The following CNBD1 variants were observed in gnomAD, a reference collection of about 807,000 sequenced individuals.
CNBD1 encodes cyclic nucleotide-binding domain-containing protein 1.
In CNBD1, 71 loss-of-function variants were observed where a neutral mutation model predicts 54.4. The observed-to-expected ratio is 1.30, with a 90% CI of 1.08 to 1.59. The LOEUF (loss-of-function observed/expected upper bound fraction) is 1.59. Among genes scored for constraint, CNBD1 ranks in the 40% most tolerant of loss-of-function variants. The probability of loss-of-function intolerance (pLI) is 0.00; values close to 1 mark genes in which losing one functional copy is unlikely to be tolerated. For synonymous variants in CNBD1, 182 were observed against 170.7 expected (o/e 1.07, Z -0.51); for missense variants, 659 against 518.0 (o/e 1.27, Z -2.64).
chr8:87,055,670 C>A (rs571284284), intron 4 of CNBD1, among the ~76,000 whole-genome samples: 66 of 152,320 alleles, frequency 4.3e-4, no homozygotes, highest in Admixed American at 6.5e-4. Flanking sequence ...GAGGACTAGC[C>A]TTAGTTGTCT....
At chr8:86,981,176 T>C (rs1457030357) in intron 4 of CNBD1, among the ~76,000 whole-genome samples, 1 of 152,382 alleles carries the variant, frequency 6.6e-6, no homozygotes, top group Admixed American at 6.5e-5. Context: ...TGTGTCTGTG[T>C]GCGTGCGCGC....
chr8:87,271,779 T>A (rs1274165774), intron 6 of CNBD1, among the ~76,000 whole-genome samples: 3 of 150,978 alleles, frequency 2.0e-5, no homozygotes, highest in African/African-American at 7.4e-5. Context: ...GAAAATAAAT[T>A]AGTATATCAA....
chr8:87,331,370 A>C (rs1357608283), intron 8 of CNBD1, among the ~76,000 whole-genome samples: 1 of 152,158 alleles, frequency 6.6e-6, no homozygotes, highest in African/African-American at 2.4e-5. Flanking sequence ...GTTTCATCAA[A>C]GTCCCTGCAA....
In CNBD1 at chr8:87,241,268, A is replaced by ATTTTTTTTTTTTTTT. The variant is rs34829455; in HGVS notation, c.771+4165_771+4179dup. Among the ~76,000 whole-genome samples the ATTTTTTTTTTTTTTT allele has an allele frequency of 2.3e-3, 219 of 93,852 alleles. 20 individuals are homozygous for ATTTTTTTTTTTTTTT. Among genetic ancestry groups the ATTTTTTTTTTTTTTT allele is most frequent in the African/African-American group, 9.5e-3 (195 of 20,504 alleles). The allele number at this position is 93,852 out of a possible 152,430, so 61.6% of individuals were successfully genotyped here. A position where few individuals can be genotyped will look rare whatever the true frequency, so the allele number is the denominator to read the frequency against. ...GGGCACAAAAATCTGTATTTGGAAG[A>ATTTTTTTTTTTTTTT]TTTTTTTTTTTTTTTTTTTTTTTGA... On this transcript the variant is annotated intron_variant, in intron 6 of 10. Transcript: ENST00000518476.
At chr8:86,898,042 A>G (rs1586119742) in intron 2 of CNBD1, among the ~76,000 whole-genome samples, 1 of 152,208 alleles carries the variant, frequency 6.6e-6, no homozygotes, top group African/African-American at 2.4e-5. Context: ...GTTAAAAAGA[A>G]TGACATATCT....
chr8:86,916,530 A>G lies in CNBD1; in HGVS notation c.272+11336A>G, dbSNP rs1172200074. 4.1e-5 allele frequency among the ~76,000 whole-genome samples: 6 copies of G among 144,762 alleles called. No individual in the cohort carries two copies. The Admixed American group carries it at 4.3e-4, about 10-fold the overall frequency. 95.0% of individuals were successfully genotyped at this position (144,762 alleles called of 152,430 possible). A position where few individuals can be genotyped will look rare whatever the true frequency, so the allele number is the denominator to read the frequency against. Reference sequence around the variant, plus strand: ...CTTCCCTTACCACTTGAGTGTCCCTAGAAAGTCATATACCTGTTAAACTCT... The same window carrying G: ...CTTCCCTTACCACTTGAGTGTCCCTGGAAAGTCATATACCTGTTAAACTCT... On this transcript the variant is annotated intron_variant, in intron 3 of 10. Coordinates refer to ENST00000518476, the MANE Select transcript of CNBD1 (RefSeq NM_173538.3).
chr8:87,341,304 C>T (rs1810058774), intron 8 of CNBD1, among the ~76,000 whole-genome samples: 1 of 152,054 alleles, frequency 6.6e-6, no homozygotes, highest in South Asian at 2.1e-4. Flanking sequence ...CTCATCAGTG[C>T]TCTGAGAGAG....
intron 10 of CNBD1, 29 bp downstream of exon 10, chr8:87,353,815 A>C (rs62526810): frequency 0.055 from 84,364 of 1,528,374 alleles, 2,639 homozygotes; most frequent in Non-Finnish European, 0.063. Flanking sequence ...TTTAACTGTT[A>C]TACCATTTTA....
intron 4 of CNBD1, among the ~76,000 whole-genome samples, chr8:87,101,453 AT>A (rs1811427736): frequency 6.6e-6 from 1 of 151,960 alleles, no homozygotes; most frequent in African/African-American, 2.4e-5. Flanking sequence ...ATATATATAT[AT>A]ATGTCTAATA....
At chr8:87,317,130 A>G (rs544768336) in intron 8 of CNBD1, among the ~76,000 whole-genome samples, 4 of 151,848 alleles carry the variant, frequency 2.6e-5, no homozygotes, top group African/African-American at 9.6e-5. Flanking sequence ...TATCAGTTCT[A>G]TTTATCTTCT....
chr8:87,076,279 C>T (rs1457515062), intron 4 of CNBD1, among the ~76,000 whole-genome samples: 1 of 152,164 alleles, frequency 6.6e-6, no homozygotes, highest in Non-Finnish European at 1.5e-5. Context: ...ATGGTAATCA[C>T]AACCTATATC....
chr8:87,120,484 G>C (rs1811867827), intron 4 of CNBD1, among the ~76,000 whole-genome samples: 1 of 151,692 alleles, frequency 6.6e-6, no homozygotes, highest in Admixed American at 6.6e-5. Context: ...AGTCTAGCTA[G>C]TGTTAATGTA....
chr8:87,076,248 G>A (rs1023455766), intron 4 of CNBD1, among the ~76,000 whole-genome samples: 2 of 152,124 alleles, frequency 1.3e-5, no homozygotes. Context: ...TCTAGAGTCT[G>A]CACAGAGTGT....
At chr8:87,364,463 A>G (rs191375652) in intron 10 of CNBD1, among the ~76,000 whole-genome samples, 16 of 150,098 alleles carry the variant, frequency 1.1e-4, no homozygotes, top group Admixed American at 2.0e-4. Context: ...TTTAAATCCA[A>G]TTTGTCTTTT....
intron 4 of CNBD1, among the ~76,000 whole-genome samples, chr8:87,067,256 A>G (rs1810673501): frequency 6.6e-6 from 1 of 151,980 alleles, no homozygotes; most frequent in African/African-American, 2.4e-5. Context: ...CCAGCAAATA[A>G]ACTTGGAAAA....
chr8:87,104,501 C>A (rs1005794245), intron 4 of CNBD1, among the ~76,000 whole-genome samples: 2 of 152,052 alleles, frequency 1.3e-5, no homozygotes, highest in Non-Finnish European at 2.9e-5. Context: ...GAGGAGGAGA[C>A]AAATATTCAG....
chr8:87,067,612 T>C (rs1418641087), intron 4 of CNBD1, among the ~76,000 whole-genome samples: 1 of 151,982 alleles, frequency 6.6e-6, no homozygotes, highest in Non-Finnish European at 1.5e-5. Context: ...TTCAATCTTT[T>C]TTCACCATTT....
Position 87,322,284 on chromosome 8 carries a change from A to G in CNBD1, c.1043-29401A>G, listed in dbSNP as rs868762752. ...AACATACGTGTGCATGTGTCTTTAC[A>G]GCAGCATGATTTATAGTCATTTGGG... On this transcript the variant is annotated intron_variant, in intron 8 of 10. Coordinates refer to ENST00000518476, the MANE Select transcript of CNBD1 (RefSeq NM_173538.3). Among the ~76,000 whole-genome samples, 30 of 123,934 alleles carry G rather than the reference A, an allele frequency of 2.4e-4. 3 individuals carry two copies. Among genetic ancestry groups the G allele is most frequent in the Non-Finnish European group, 1.8e-4 (10 of 55,662 alleles). 81.3% of individuals were successfully genotyped at this position (123,934 alleles called of 152,430 possible).
At chr8:87,012,542 C>A (rs1378102314) in intron 4 of CNBD1, among the ~76,000 whole-genome samples, 1 of 152,170 alleles carries the variant, frequency 6.6e-6, no homozygotes, top group Non-Finnish European at 1.5e-5. Context: ...ACCCCTACCC[C>A]TTTTGTTTTC....
Sources: allele counts gnomAD v4.1 joint callset (sites outside exome capture counted in the v4.1 genomes callset), GRCh38; gene constraint gnomAD v4.1.1; transcripts MANE v1.5; gene names NCBI Gene and HGNC (gene_info 2026-07-23, HGNC 2026-07-21).